FGGY: variants seen among roughly 807,000 people sequenced by gnomAD.
FGGY encodes the protein FGGY carbohydrate kinase domain-containing protein.
FGGY carries 72 observed loss-of-function variants against 71.3 expected under a neutral mutation model. The observed-to-expected ratio is 1.01, with a 90% CI of 0.84 to 1.23. The LOEUF (loss-of-function observed/expected upper bound fraction) is 1.23, where lower values mean the gene tolerates loss of function less well. Among genes scored for constraint, FGGY ranks in the 50% most tolerant of loss-of-function variants. The pLI is 0.00. For missense variants in FGGY, 668 were observed against 682.3 expected (o/e 0.98, Z 0.23); for synonymous variants, 251 against 250.3 (o/e 1.00, Z -0.02).
At chr1:59,489,111 C>T (rs543375782) in intron 6 of FGGY, among the ~76,000 whole-genome samples, 10 of 152,018 alleles carry the variant, frequency 6.6e-5, no homozygotes, top group South Asian at 2.1e-4. Flanking sequence ...TTTTAATTGA[C>T]GTTTTATACA....
intron 9 of FGGY, among the ~76,000 whole-genome samples, chr1:59,613,358 C>T (rs2096712021): frequency 1.3e-5 from 2 of 152,164 alleles, no homozygotes; most frequent in African/African-American, 4.8e-5. Flanking sequence ...CAAAACCACT[C>T]AACTACATGG....
intron 14 of FGGY, among the ~76,000 whole-genome samples, chr1:59,707,263 C>T (rs1006146980): frequency 8.5e-5 from 13 of 152,302 alleles, no homozygotes; most frequent in African/African-American, 2.4e-4. Flanking sequence ...TTAAGTGACT[C>T]GCCTAAGGTC....
At chr1:59,315,237 G>A (rs1263545013) in intron 1 of FGGY, among the ~76,000 whole-genome samples, 1 of 151,846 alleles carries the variant, frequency 6.6e-6, no homozygotes, top group African/African-American at 2.4e-5. Flanking sequence ...GAAGAATTTA[G>A]TGGATGTCAT....
intron 8 of FGGY, among the ~76,000 whole-genome samples, chr1:59,576,677 GACAC>G (rs57817494): frequency 0.12 from 15,213 of 130,022 alleles, 1,023 homozygotes; most frequent in Middle Eastern, 0.2. Flanking sequence ...CAGACAGACA[GACAC>G]ACACACACAC....
intron 1 of FGGY, among the ~76,000 whole-genome samples, chr1:59,312,207 G>C (rs574438631): frequency 6.6e-6 from 1 of 152,126 alleles, no homozygotes; most frequent in Non-Finnish European, 1.5e-5. Context: ...TAAGTTGCCT[G>C]TTCACTCTGC....
At chr1:59,529,488 A>T (rs2095081531) in intron 7 of FGGY, among the ~76,000 whole-genome samples, 2 of 152,190 alleles carry the variant, frequency 1.3e-5, no homozygotes, top group South Asian at 4.1e-4. Context: ...GGAAGCAATG[A>T]AACGTAGAGT....
chr1:59,457,434 A>T (rs1241750857), intron 6 of FGGY, among the ~76,000 whole-genome samples: 1 of 151,936 alleles, frequency 6.6e-6, no homozygotes, highest in Non-Finnish European at 1.5e-5. Context: ...ACATGGTAAA[A>T]CCCCATTTCT....
intron 2 of FGGY, among the ~76,000 whole-genome samples, chr1:59,325,276 G>A (rs1570392852): frequency 6.6e-6 from 1 of 152,190 alleles, no homozygotes; most frequent in East Asian, 1.9e-4. Context: ...AGAATGGCGT[G>A]AACCTGGGAG....
intron 6 of FGGY, among the ~76,000 whole-genome samples, chr1:59,471,596 A>G (rs1344798579): frequency 6.6e-6 from 1 of 152,164 alleles, no homozygotes; most frequent in Non-Finnish European, 1.5e-5. Context: ...ACTCTTTAGT[A>G]TCGAATTTCT....
intron 13 of FGGY, among the ~76,000 whole-genome samples, chr1:59,668,339 AG>A (rs2097343995): frequency 6.6e-6 from 1 of 152,160 alleles, no homozygotes; most frequent in Admixed American, 6.5e-5. Context: ...CTGGGTGGCC[AG>A]GTACCACCAG....
At chr1:59,594,931 C>T (rs575319650) in intron 8 of FGGY, among the ~76,000 whole-genome samples, 5 of 152,174 alleles carry the variant, frequency 3.3e-5, no homozygotes, top group Non-Finnish European at 5.9e-5. Context: ...TGAGAATACC[C>T]CTGGGCAGTA....
intron 10 of FGGY, among the ~76,000 whole-genome samples, chr1:59,633,227 G>A (rs1375941842): frequency 1.3e-5 from 2 of 152,136 alleles, no homozygotes; most frequent in Non-Finnish European, 2.9e-5. Context: ...AGCCAGGATG[G>A]TCTCGATCTC....
intron 8 of FGGY, among the ~76,000 whole-genome samples, chr1:59,569,548 G>C (rs749365028): frequency 1.2e-4 from 18 of 152,120 alleles, no homozygotes; most frequent in Non-Finnish European, 2.4e-4. Flanking sequence ...GAACCTGAAA[G>C]AACCACATAA....
intron 14 of FGGY, among the ~76,000 whole-genome samples, chr1:59,707,774 A>G (rs2097767009): frequency 6.6e-6 from 1 of 152,222 alleles, no homozygotes; most frequent in African/African-American, 2.4e-5. Context: ...TCAGCAGATG[A>G]TCAGCCATCA....
intron 14 of FGGY, among the ~76,000 whole-genome samples, chr1:59,695,398 G>C (rs746637837): frequency 2.0e-5 from 3 of 152,276 alleles, no homozygotes; most frequent in South Asian, 2.1e-4. Context: ...ACAGCTGTAG[G>C]ACACATAGGA....
At chr1:59,381,628 CGTGTGTGTGTGTGTGT>C (rs113981398) in intron 5 of FGGY, among the ~76,000 whole-genome samples, 105 of 143,270 alleles carry the variant, frequency 7.3e-4, no homozygotes, top group Non-Finnish European at 1.2e-3. Context: ...ATGTATAACT[CGTGTGTGTGTGTGTGT>C]GTGTGTGTGT....
chr1:59,505,256 T>A (rs374782028), intron 6 of FGGY, among the ~76,000 whole-genome samples: 9 of 152,228 alleles, frequency 5.9e-5, no homozygotes, highest in Non-Finnish European at 1.3e-4. Flanking sequence ...AGTAAGCTAC[T>A]TGAGCGTAGG....
intron 5 of FGGY, among the ~76,000 whole-genome samples, chr1:59,451,189 G>C (rs2072617016): frequency 6.6e-6 from 1 of 151,844 alleles, no homozygotes; most frequent in East Asian, 1.9e-4. Flanking sequence ...CCTACTAAGT[G>C]TTTTGTTTCT....
chr1:59,652,759 A>G (rs1387041234), intron 11 of FGGY, among the ~76,000 whole-genome samples: 1 of 151,930 alleles, frequency 6.6e-6, no homozygotes, highest in Non-Finnish European at 1.5e-5. Context: ...AGCTCGTCAA[A>G]GTCATTCTCC....
Sources: gnomAD v4.1 joint callset for allele counts (sites outside exome capture counted in the v4.1 genomes callset) on GRCh38, gnomAD v4.1.1 for gene constraint, MANE v1.5 for transcripts, NCBI Gene and HGNC (gene_info 2026-07-23, HGNC 2026-07-21) for gene names.